The following ESRRB variants were observed in gnomAD, a reference collection of about 807,000 sequenced individuals.
ESRRB encodes estrogen related receptor beta, also known as steroid hormone receptor ERR2.
Under a neutral mutation model 46.0 loss-of-function variants are expected in ESRRB, and 16 were observed. The ratio of observed to expected loss-of-function variants is 0.35; its 90% CI spans 0.24 to 0.53. The LOEUF (loss-of-function observed/expected upper bound fraction) is 0.53, where lower values mean the gene tolerates loss of function less well. Ranked by LOEUF, ESRRB falls within the 20% of genes least tolerant of loss-of-function variation. ESRRB has a pLI of 0.93. For synonymous variants in ESRRB, 246 were observed against 259.6 expected (o/e 0.95, Z 0.50); for missense variants, 488 against 607.4 (o/e 0.80, Z 2.07).
intron 2 of ESRRB, among the ~76,000 whole-genome samples, chr14:76,450,137 G>A (rs1156457089): frequency 7.0e-6 from 1 of 142,742 alleles, no homozygotes; most frequent in East Asian, 1.9e-4. Context: ...GAGAGTGACT[G>A]AGAAAGGGGG....
rs111883937 is a variant in ESRRB, at chr14:76,330,145, C to A, written c.2+19229C>A. On this transcript the variant is annotated intron_variant, in intron 1 of 6. Transcript: ENST00000512784. ...CTGTGTACCCATTCCCCACCGCAGG[C>A]CAGGATGGGCCCTGGTTCTGAGGGA... Among the ~76,000 whole-genome samples, 1,227 of 152,164 alleles carry A rather than the reference C, an allele frequency of 8.1e-3. 21 individuals carry two copies. The highest frequency in any genetic ancestry group is 0.027 in the African/African-American group (1,123 of 41,524).
chr14:76,395,970 C>T (rs1352681421), intron 1 of ESRRB, among the ~76,000 whole-genome samples: 8 of 151,804 alleles, frequency 5.3e-5, no homozygotes, highest in South Asian at 4.2e-4. Context: ...GCCAAGAGTT[C>T]GATACAATTC....
chr14:76,362,642 C>T (rs1322728308), intron 1 of ESRRB, among the ~76,000 whole-genome samples: 5 of 152,164 alleles, frequency 3.3e-5, no homozygotes, highest in Non-Finnish European at 7.3e-5. Context: ...GATTTGTAGT[C>T]GTGATGCTTC....
At chr14:76,456,038 G>A (rs1022318008) in intron 2 of ESRRB, among the ~76,000 whole-genome samples, 9 of 137,186 alleles carry the variant, frequency 6.6e-5, no homozygotes, top group African/African-American at 2.2e-4. Flanking sequence ...AGCGAAACTC[G>A]CACACACACA....
intron 1 of ESRRB, among the ~76,000 whole-genome samples, chr14:76,328,912 C>T (rs1883969838): frequency 6.6e-6 from 1 of 152,122 alleles, no homozygotes; most frequent in Non-Finnish European, 1.5e-5. Flanking sequence ...AGGAATGCCC[C>T]CAAGAGCTGT....
At chr14:76,411,244 T>A (rs1886426646) in intron 1 of ESRRB, among the ~76,000 whole-genome samples, 1 of 150,682 alleles carries the variant, frequency 6.6e-6, no homozygotes, top group African/African-American at 2.4e-5. Context: ...GGTCAGGAGT[T>A]CAAGACCAGC....
chr14:76,447,257 CCTTCCTTCCTTCCTT>C (rs1888189333), intron 2 of ESRRB, among the ~76,000 whole-genome samples: 1 of 75,900 alleles, frequency 1.3e-5, no homozygotes, highest in African/African-American at 8.4e-5. Flanking sequence ...TTCCTTCCTT[CCTTCCTTCCTTCCTT>C]CCTTCCTTCC....
intron 1 of ESRRB, among the ~76,000 whole-genome samples, chr14:76,387,633 C>T (rs1002831955): frequency 2.6e-5 from 4 of 152,214 alleles, no homozygotes; most frequent in Admixed American, 2.6e-4. Flanking sequence ...GCTTGCCTGA[C>T]CTCCAGACGG....
chr14:76,320,398 C>T (rs990599477), intron 1 of ESRRB, among the ~76,000 whole-genome samples: 13 of 152,180 alleles, frequency 8.5e-5, no homozygotes, highest in African/African-American at 2.9e-4. Flanking sequence ...TAAAAGAAAT[C>T]GGTAGACCAG....
At chr14:76,460,479 C>T (rs1258601771) in intron 2 of ESRRB, among the ~76,000 whole-genome samples, 3 of 152,210 alleles carry the variant, frequency 2.0e-5, no homozygotes, top group South Asian at 4.1e-4. Context: ...GCTGCTATTC[C>T]TCTGAAGTGG....
chr14:76,448,309 C>T (rs185604695), intron 2 of ESRRB, among the ~76,000 whole-genome samples: 60 of 150,426 alleles, frequency 4.0e-4, no homozygotes, highest in African/African-American at 1.4e-3. Flanking sequence ...TCCTAAGGCA[C>T]AGGGTTACAT....
chr14:76,332,649 A>G (rs1595046640), intron 1 of ESRRB, among the ~76,000 whole-genome samples: 2 of 44,812 alleles, frequency 4.5e-5, no homozygotes, highest in Non-Finnish European at 7.2e-5. Context: ...TTTATATATT[A>G]TATAAATATA....
intron 6 of ESRRB, among the ~76,000 whole-genome samples, chr14:76,495,181 C>T (rs1225260853): frequency 2.6e-5 from 4 of 152,096 alleles, no homozygotes; most frequent in East Asian, 1.9e-4. Flanking sequence ...CCTGAGGACC[C>T]GTGGAGGTTT....
intron 2 of ESRRB, among the ~76,000 whole-genome samples, chr14:76,453,079 G>A (rs1246578464): frequency 6.6e-6 from 1 of 152,254 alleles, no homozygotes; most frequent in African/African-American, 2.4e-5. Flanking sequence ...GGGGGGCAAG[G>A]CCCAGCAATC....
Position 76,444,971 on chromosome 14 carries a change from C to T in ESRRB, c.460+5221C>T, listed in dbSNP as rs369637484. On this transcript the variant is annotated intron_variant, in intron 2 of 6. Coordinates refer to ENST00000644823, the MANE Select transcript of ESRRB (RefSeq NM_001379180.1). ...TGAAGCCAGGAGTTCCAGCCCAGCC[C>T]AGCTTGTGTAACAAAGCGAGACCCT... 3.6e-4 allele frequency among the ~76,000 whole-genome samples: 54 copies of T among 151,172 alleles called. No homozygotes were observed. The South Asian group carries it at 0.011, about 31-fold the overall frequency.
In ESRRB at chr14:76,482,055, A is replaced by G. The variant is rs1450349797; in HGVS notation, c.617A>G (p.Tyr206Cys). The G allele has an allele frequency of 6.2e-7, 1 of 1,614,226 alleles. No individual in the cohort carries two copies. Residue 206 changes from tyrosine to cysteine, a missense_variant, in exon 4 of 7, where the codon TAC becomes TGC. Transcript: ENST00000644823. The surrounding 1 kb of genome is among the most constrained non-coding windows in gnomAD (Gnocchi z 4.3). ...CGAGTGCGTGGAGGCCGTCAGAAAT[A>G]CAAGCGACGGCTGGACTCAGAGAGC... ...LDRVRGGRQK[Y>C]KRRLDSESSP...
chr14:76,471,601 C>T (rs1461979671), intron 3 of ESRRB, among the ~76,000 whole-genome samples: 3 of 152,188 alleles, frequency 2.0e-5, no homozygotes, highest in Non-Finnish European at 4.4e-5. Context: ...GGCCTTCCCT[C>T]TGCCTGGAAT....
intron 2 of ESRRB, among the ~76,000 whole-genome samples, chr14:76,440,867 C>T (rs1887894838): frequency 6.6e-6 from 1 of 152,086 alleles, no homozygotes; most frequent in Non-Finnish European, 1.5e-5. Context: ...ACCCCCGTCT[C>T]TACTAAAAAT....
intron 1 of ESRRB, among the ~76,000 whole-genome samples, chr14:76,430,865 T>C (rs1887409273): frequency 6.6e-6 from 1 of 152,220 alleles, no homozygotes; most frequent in African/African-American, 2.4e-5. Context: ...CCCAGATTCT[T>C]GGGTGTGGTG....
Sources: allele counts gnomAD v4.1 joint callset (sites outside exome capture counted in the v4.1 genomes callset), GRCh38; gene constraint gnomAD v4.1.1; non-coding constraint Gnocchi (gnomAD v3.1); transcripts MANE v1.5; gene names NCBI Gene and HGNC (gene_info 2026-07-23, HGNC 2026-07-21).